The following GNRHR variants were observed in gnomAD, a reference collection of about 807,000 sequenced individuals.
The protein encoded by GNRHR is gonadotropin-releasing hormone receptor.
In GNRHR, 14 loss-of-function variants were observed where a neutral mutation model predicts 28.1. The ratio of observed to expected loss-of-function variants is 0.50; its 90% CI spans 0.33 to 0.78. The LOEUF is 0.78. GNRHR is among the 30% of genes least tolerant of loss of function. The probability of loss-of-function intolerance (pLI) is 0.02; values close to 1 mark genes in which losing one functional copy is unlikely to be tolerated. For missense variants in GNRHR, 366 were observed against 382.1 expected (o/e 0.96, Z 0.35); for synonymous variants, 141 against 140.5 (o/e 1.00, Z -0.02).
Position 67,738,432 on chromosome 4 carries a change from C to A in GNRHR, c.*2048G>T, listed in dbSNP as rs1255977788. On this transcript the variant is annotated 3_prime_UTR_variant, in exon 3 of 3. Coordinates refer to ENST00000226413, the MANE Select transcript of GNRHR (RefSeq NM_000406.3). ...ACCCCTGAGTCAAGATTTCGAATAG[C>A]CCTTTAGTTAATGTGTAAAAAAAAA... Among the ~76,000 whole-genome samples the A allele has an allele frequency of 6.6e-6, 1 of 151,426 alleles. No individual in the cohort carries two copies. Among genetic ancestry groups the A allele is most frequent in the Non-Finnish European group, 1.5e-5 (1 of 67,740 alleles).
At chr4:67,751,507 A>G (rs541391562) in intron 1 of GNRHR, among the ~76,000 whole-genome samples, 3 of 152,328 alleles carry the variant, frequency 2.0e-5, no homozygotes, top group African/African-American at 7.2e-5. Context: ...AAATCTCTCT[A>G]GTAATGTATT....
intron 1 of GNRHR, among the ~76,000 whole-genome samples, chr4:67,751,075 A>T (rs1731856387): frequency 6.6e-6 from 1 of 152,208 alleles, no homozygotes; most frequent in Non-Finnish European, 1.5e-5. Flanking sequence ...ATCCTTTTAA[A>T]TCAGTGCTTT....
chr4:67,743,027 A>G (rs980684538), intron 2 of GNRHR, among the ~76,000 whole-genome samples: 3 of 151,582 alleles, frequency 2.0e-5, no homozygotes, highest in Admixed American at 1.3e-4. Flanking sequence ...ATCTTGGCTC[A>G]CTGCAGCCTT....
rs563670210 is a variant in GNRHR, at chr4:67,738,531, C to T, written c.*1949G>A. On this transcript the variant is annotated 3_prime_UTR_variant, in exon 3 of 3. Coordinates refer to ENST00000226413, the MANE Select transcript of GNRHR (RefSeq NM_000406.3). The stretch of plus-strand genomic sequence containing the variant: ...AAGAAGAACCAAGCTGAGATACATT[C>T]GTTAACACGTGTGTGATAAAGCCCT... Among the ~76,000 whole-genome samples the T allele has an allele frequency of 3.3e-5, 5 of 151,704 alleles. No individual in the cohort carries two copies. Among genetic ancestry groups the T allele is most frequent in the South Asian group, 2.1e-4 (1 of 4,816 alleles).
In GNRHR at chr4:67,754,348, C is replaced by A; in HGVS notation, c.-13G>T. The A allele has an allele frequency of 6.2e-7, 1 of 1,604,866 alleles. No individual in the cohort carries two copies. The highest frequency in any genetic ancestry group is 8.5e-7 in the Non-Finnish European group (1 of 1,176,860). On this transcript the variant is annotated 5_prime_UTR_variant, in exon 1 of 3. Coordinates refer to ENST00000226413, the MANE Select transcript of GNRHR (RefSeq NM_000406.3). ...CACTGTTTGCCATATTTTCCCAGGACAGAGCTTCAAGCCTTGTGTCTCTGG... is the reference window on the plus strand; with the variant it reads ...CACTGTTTGCCATATTTTCCCAGGAAAGAGCTTCAAGCCTTGTGTCTCTGG...
At position 67,740,569 on chromosome 4, in the gene GNRHR, A is replaced by G. The variant is rs756059853; in HGVS notation, c.898T>C (p.Leu300=). The part of the protein sequence containing the change: ...YWFDPEMLNR[L]SDPVNHFFFL... ...AAGAAGTGATTTACTGGGTCTGACAACCTGTTTAACATTTCAGGATCAAAC... is the reference window on the plus strand; with the variant it reads ...AAGAAGTGATTTACTGGGTCTGACAGCCTGTTTAACATTTCAGGATCAAAC... The change falls in exon 3 of 3, where the codon TTG becomes CTG. Residue 300 remains leucine (L), a synonymous_variant. Transcript: ENST00000226413. 6.8e-6 allele frequency: 11 copies of G among 1,609,540 alleles called. No homozygotes were observed. The highest frequency in any genetic ancestry group is 8.5e-7 in the Non-Finnish European group (1 of 1,175,816).
intron 1 of GNRHR, among the ~76,000 whole-genome samples, chr4:67,752,947 G>A (rs186563574): frequency 6.6e-6 from 1 of 152,164 alleles, no homozygotes; most frequent in Non-Finnish European, 1.5e-5. Flanking sequence ...TTATCATGTA[G>A]TACATTTAAA....
chr4:67,740,615 A>G lies in GNRHR; in HGVS notation c.852T>C (p.Tyr284=), dbSNP rs2109981257. The change falls in exon 3 of 3, where the codon TAT becomes TAC. Residue 284 remains tyrosine, a synonymous_variant. Transcript: ENST00000226413. ...CAAACCAATACCAAATTCCTAGGAC[A>G]TAGTAGGGAGTCCAGCAGACAGTAA... The part of the protein sequence containing the change: ...TSFTVCWTPY[Y]VLGIWYWFDP... The G allele has an allele frequency of 1.2e-6, 2 of 1,612,478 alleles. No individual in the cohort carries two copies. The highest frequency in any genetic ancestry group is 1.7e-6 in the Non-Finnish European group (2 of 1,178,488).
chr4:67,741,082 A>G (rs1731650709), intron 2 of GNRHR, among the ~76,000 whole-genome samples: 1 of 151,448 alleles, frequency 6.6e-6, no homozygotes, highest in African/African-American at 2.4e-5. Flanking sequence ...TTTTTTGGGG[A>G]CTGATGGTGT....
At chr4:67,745,274 A>C (rs1486633422) in intron 1 of GNRHR, among the ~76,000 whole-genome samples, 1 of 151,998 alleles carries the variant, frequency 6.6e-6, no homozygotes, top group African/African-American at 2.4e-5. Flanking sequence ...GAATGATGGA[A>C]TATGTCAAAA....
intron 1 of GNRHR, among the ~76,000 whole-genome samples, chr4:67,745,049 C>T (rs1026523808): frequency 1.3e-4 from 20 of 152,178 alleles, no homozygotes; most frequent in African/African-American, 3.9e-4. Flanking sequence ...AGGATTTAAA[C>T]GTTGTTTGTA....
chr4:67,741,561 T>C (rs190695296), intron 2 of GNRHR, among the ~76,000 whole-genome samples: 96 of 152,208 alleles, frequency 6.3e-4, no homozygotes, highest in African/African-American at 2.1e-3. Flanking sequence ...CCTGGGTAGA[T>C]ACCTAGTAGT....
chr4:67,741,081 G>A (rs1268572223), intron 2 of GNRHR, among the ~76,000 whole-genome samples: 1 of 151,514 alleles, frequency 6.6e-6, no homozygotes, highest in African/African-American at 2.4e-5. Flanking sequence ...TTTTTTTGGG[G>A]ACTGATGGTG....
rs1043686669 is a variant in GNRHR at position 67,739,291 on chromosome 4, G to A, written c.*1189C>T. ...TTAATGTGAATATCAGTAGGTGTTA[G>A]TTGTGCCATGGGCTGCTGTGGCAGT... is the stretch of plus-strand genomic sequence containing the variant. On this transcript the variant is annotated 3_prime_UTR_variant, in exon 3 of 3. Transcript: ENST00000226413. The A allele has an allele frequency of 6.6e-6, 1 of 151,956 alleles. No individual in the cohort carries two copies. The highest frequency in any genetic ancestry group is 2.4e-5 in the African/African-American group (1 of 41,410). The allele number at this position is 151,956 out of a possible 1,614,324, so 9.4% of individuals were successfully genotyped here. A position where few individuals can be genotyped will look rare whatever the true frequency, so the allele number is the denominator to read the frequency against.
In GNRHR at chr4:67,753,913, C is replaced by T. The variant is rs1250475304; in HGVS notation, c.423G>A (p.Leu141=). The change falls in exon 1 of 3, where the codon CTG becomes CTA. Residue 141 remains leucine (L), a synonymous_variant. Coordinates refer to ENST00000226413, the MANE Select transcript of GNRHR (RefSeq NM_000406.3). ...MMVVISLDRS[L]AITRPLALKS... ...TCAAAGCTAGGGGCCTCGTGATAGC[C>T]AGGGAGCGGTCCAGGCTGATCACCA... 6.2e-7 allele frequency: 1 copy of T among 1,613,966 alleles called. No homozygotes were observed. The highest frequency in any genetic ancestry group is 8.5e-7 in the Non-Finnish European group (1 of 1,179,926).
At chr4:67,743,030 G>A (rs1333446104) in intron 2 of GNRHR, among the ~76,000 whole-genome samples, 6 of 151,680 alleles carry the variant, frequency 4.0e-5, no homozygotes, top group South Asian at 2.1e-4. Context: ...TTGGCTCACT[G>A]CAGCCTTTGC....
intron 2 of GNRHR, among the ~76,000 whole-genome samples, chr4:67,741,721 TG>T (rs1181022484): frequency 5.9e-5 from 9 of 152,364 alleles, no homozygotes; most frequent in African/African-American, 1.9e-4. Flanking sequence ...TATTATTTTT[TG>T]ATTTTTTGAT....
rs1731619374 is a variant in GNRHR at position 67,739,663 on chromosome 4, C to T, written c.*817G>A. 1 of 152,024 alleles carries T rather than the reference C, an allele frequency of 6.6e-6. No individual in the cohort carries two copies. The allele number at this position is 152,024 out of a possible 1,614,324, so 9.4% of individuals were successfully genotyped here. ...ACATTAAAATAGAAGTCATACTATG[C>T]ATAGAGCGTACTCACTATGAGTATT... On this transcript the variant is annotated 3_prime_UTR_variant, in exon 3 of 3. Coordinates refer to ENST00000226413, the MANE Select transcript of GNRHR (RefSeq NM_000406.3).
chr4:67,741,197 C>T (rs575281133), intron 2 of GNRHR, among the ~76,000 whole-genome samples: 1 of 151,938 alleles, frequency 6.6e-6, no homozygotes, highest in East Asian at 1.9e-4. Flanking sequence ...TATCCCTTGC[C>T]ACCCCCAACC....
Sources: allele counts gnomAD v4.1 joint callset (sites outside exome capture counted in the v4.1 genomes callset), GRCh38; gene constraint gnomAD v4.1.1; transcripts MANE v1.5; gene names NCBI Gene and HGNC (gene_info 2026-07-23, HGNC 2026-07-21).